Variants in UNC13C observed in about 807,000 individuals in gnomAD.
UNC13C encodes the protein unc-13 homolog C.
UNC13C carries 174 observed loss-of-function variants against 245.4 expected under a neutral mutation model. The observed-to-expected ratio is 0.71, with a 90% CI of 0.63 to 0.80. The LOEUF (loss-of-function observed/expected upper bound fraction) is 0.80, where lower values mean the gene tolerates loss of function less well. UNC13C is among the 30% of genes least tolerant of loss of function. The pLI is 0.00. For missense variants in UNC13C, 2,829 were observed against 2,602.9 expected, an observed-to-expected ratio of 1.09 and a Z score of -1.89; for synonymous variants, 992 against 895.1, an observed-to-expected ratio of 1.11 and a Z score of -1.93.
intron 19 of UNC13C, among the ~76,000 whole-genome samples, chr15:54,466,450 C>T (rs957430724): frequency 6.6e-6 from 1 of 151,840 alleles, no homozygotes; most frequent in East Asian, 1.9e-4. Context: ...TTAATGTCTA[C>T]AGCTATTAGA....
intron 2 of UNC13C, among the ~76,000 whole-genome samples, chr15:54,117,949 T>C (rs551251433): frequency 2.4e-4 from 37 of 152,274 alleles, no homozygotes; most frequent in Admixed American, 5.2e-4. Flanking sequence ...TGAAAATGTG[T>C]TGGCTGTAAA....
intron 32 of UNC13C, among the ~76,000 whole-genome samples, 196 bp from the exon 33 acceptor site, chr15:54,626,631 CT>C (rs1901176984): frequency 6.6e-6 from 1 of 152,034 alleles, no homozygotes; most frequent in Non-Finnish European, 1.5e-5. Context: ...TTTTTTCTGT[CT>C]TTTCTATCTA....
At position 54,332,113 on chromosome 15, in the gene UNC13C, T is replaced by C; in HGVS notation, c.4494+2T>C. On this transcript the variant is annotated splice_donor_variant, in intron 15 of 32. Transcript: ENST00000260323. LOFTEE classifies it high-confidence loss of function. ...AGGATTGATCTGTCAAAGTATAGGG[T>C]ATGTACAAATTTACTTGCCTAAAAG... 2 of 1,554,070 alleles carry C rather than the reference T, an allele frequency of 1.3e-6. No homozygotes were observed. The highest frequency in any genetic ancestry group is 1.7e-6 in the Non-Finnish European group (2 of 1,148,900).
At chr15:54,350,111 C>A (rs1273420641) in intron 17 of UNC13C, among the ~76,000 whole-genome samples, 1 of 152,102 alleles carries the variant, frequency 6.6e-6, no homozygotes, top group Non-Finnish European at 1.5e-5. Context: ...CCTGTCTCAG[C>A]CTCCCAAGTA....
chr15:54,003,505 G>A (rs1271201733), intron 1 of UNC13C, among the ~76,000 whole-genome samples: 1 of 152,058 alleles, frequency 6.6e-6, no homozygotes, highest in African/African-American at 2.4e-5. Context: ...TTTGAAGGTG[G>A]ACTGTTCCCA....
At chr15:54,006,909 A>G (rs988475892) in intron 1 of UNC13C, among the ~76,000 whole-genome samples, 9 of 152,258 alleles carry the variant, frequency 5.9e-5, no homozygotes, top group African/African-American at 2.2e-4. Flanking sequence ...GCTGTTTTGC[A>G]CAGGGGCCCT....
intron 30 of UNC13C, among the ~76,000 whole-genome samples, chr15:54,599,085 A>G (rs1390704956): frequency 6.6e-6 from 1 of 152,166 alleles, no homozygotes; most frequent in Non-Finnish European, 1.5e-5. Context: ...TTTAGTAAAT[A>G]TATCCATATT....
chr15:54,445,263 C>T (rs1003261838), intron 19 of UNC13C, among the ~76,000 whole-genome samples: 1 of 152,070 alleles, frequency 6.6e-6, no homozygotes, highest in Non-Finnish European at 1.5e-5. Context: ...GTGAATAGTG[C>T]CGCAATAAAC....
chr15:53,985,616 C>G (rs569456239), intron 1 of UNC13C, among the ~76,000 whole-genome samples: 5 of 152,062 alleles, frequency 3.3e-5, no homozygotes, highest in Non-Finnish European at 5.9e-5. Context: ...ATGTCAGGAT[C>G]TAGTGTACAT....
At position 54,494,236 on chromosome 15, in the gene UNC13C, A is replaced by T. The variant is rs190419487; in HGVS notation, c.4934-372A>T. 7.5e-3 allele frequency among the ~76,000 whole-genome samples: 1,136 copies of T among 152,232 alleles called. 7 individuals carry two copies. Among genetic ancestry groups the T allele is most frequent in the Non-Finnish European group, 9.6e-3 (651 of 67,960 alleles). ...ACCCTAAAACTTAAAGAATAATTTT[A>T]AAAAAAGAATTTTAATTCTCTCTGT... On this transcript the variant is annotated intron_variant, in intron 19 of 32. Coordinates refer to ENST00000260323, the MANE Select transcript of UNC13C (RefSeq NM_001080534.3).
chr15:54,337,752 C>G (rs1356698169), intron 16 of UNC13C, among the ~76,000 whole-genome samples: 1 of 152,088 alleles, frequency 6.6e-6, no homozygotes, highest in East Asian at 1.9e-4. Context: ...AGTTGTTTTG[C>G]TAAAATTAGG....
chr15:54,282,577 T>A (rs1448324050), intron 10 of UNC13C, among the ~76,000 whole-genome samples: 1 of 152,126 alleles, frequency 6.6e-6, no homozygotes, highest in Non-Finnish European at 1.5e-5. Context: ...GCTTCTTTAC[T>A]TTTGTTGTCC....
intron 2 of UNC13C, among the ~76,000 whole-genome samples, chr15:54,058,145 A>T (rs1267582565): frequency 1.3e-5 from 2 of 152,124 alleles, no homozygotes; most frequent in Non-Finnish European, 2.9e-5. Context: ...GACACAAAAA[A>T]CCCTTCAAAA....
At chr15:54,064,447 G>A (rs757841846) in intron 2 of UNC13C, among the ~76,000 whole-genome samples, 1 of 152,142 alleles carries the variant, frequency 6.6e-6, no homozygotes, top group Non-Finnish European at 1.5e-5. Context: ...TTTCCACTGT[G>A]CTCCTTAGGA....
At chr15:54,170,061 G>T (rs756830103) in intron 4 of UNC13C, among the ~76,000 whole-genome samples, 3 of 145,428 alleles carry the variant, frequency 2.1e-5, no homozygotes, top group South Asian at 2.1e-4. Flanking sequence ...AAGAGAAAGA[G>T]AAATTTCATA....
chr15:54,095,441 A>G (rs866997240), intron 2 of UNC13C, among the ~76,000 whole-genome samples: 13 of 152,184 alleles, frequency 8.5e-5, no homozygotes, highest in Admixed American at 5.2e-4. Flanking sequence ...TTTCTGTTCC[A>G]TGTCCATGTC....
the UNC13C span, among the ~76,000 whole-genome samples, chr15:53,882,104 A>G: frequency 1.3e-5 from 2 of 152,238 alleles, no homozygotes; most frequent in Non-Finnish European, 2.9e-5. Flanking sequence ...CTGAGAGTTG[A>G]ATGAAGATTA....
intron 19 of UNC13C, among the ~76,000 whole-genome samples, chr15:54,465,641 C>T (rs1053678039): frequency 1.3e-5 from 2 of 151,832 alleles, no homozygotes; most frequent in East Asian, 1.9e-4. Context: ...AGAAAATAAC[C>T]AATGTGAATG....
intron 30 of UNC13C, among the ~76,000 whole-genome samples, chr15:54,595,677 C>G (rs1229154110): frequency 6.6e-6 from 1 of 152,178 alleles, no homozygotes; most frequent in Non-Finnish European, 1.5e-5. Context: ...TATTTTGCCA[C>G]TAAAACTACA....
Sources: allele counts gnomAD v4.1 joint callset (sites outside exome capture counted in the v4.1 genomes callset), GRCh38; gene constraint gnomAD v4.1.1; transcripts MANE v1.5; gene names NCBI Gene and HGNC (gene_info 2026-07-23, HGNC 2026-07-21).